Variants in TBC1D22A observed in about 807,000 individuals in gnomAD.
TBC1D22A encodes TBC1 domain family member 22A.
TBC1D22A carries 38 observed loss-of-function variants against 60.2 expected under a neutral mutation model. That is an observed-to-expected ratio of 0.63 (90% CI 0.49 to 0.83). TBC1D22A has a LOEUF of 0.83. TBC1D22A is among the 40% of genes least tolerant of loss of function. The pLI is 0.00. For synonymous variants in TBC1D22A, 302 were observed against 281.7 expected, an observed-to-expected ratio of 1.07 and a Z score of -0.72; for missense variants, 628 against 701.0, an observed-to-expected ratio of 0.90 and a Z score of 1.18.
chr22:46,972,450 G>A (rs1953357173), intron 8 of TBC1D22A, among the ~76,000 whole-genome samples: 1 of 152,198 alleles, frequency 6.6e-6, no homozygotes, highest in South Asian at 2.1e-4. Context: ...GTAGGGGTGC[G>A]GCTCAGTCGT....
At chr22:46,988,450 C>T (rs1446324845) in intron 9 of TBC1D22A, among the ~76,000 whole-genome samples, 4 of 152,304 alleles carry the variant, frequency 2.6e-5, no homozygotes, top group East Asian at 1.9e-4. Context: ...GTATATTTCT[C>T]AAATAATGAC....
At chr22:47,170,441 C>T (rs1384057022) in intron 12 of TBC1D22A, among the ~76,000 whole-genome samples, 1 of 152,214 alleles carries the variant, frequency 6.6e-6, no homozygotes, top group African/African-American at 2.4e-5. Context: ...TGGTGAAAGA[C>T]AGCAGATTGA....
At chr22:47,149,217 G>A (rs1381653507) in intron 12 of TBC1D22A, among the ~76,000 whole-genome samples, 4 of 152,206 alleles carry the variant, frequency 2.6e-5, no homozygotes, top group Admixed American at 2.6e-4. Context: ...ACATGTCGTG[G>A]TTGGGGGACA....
At chr22:47,136,425 A>G (rs1371866988) in intron 12 of TBC1D22A, among the ~76,000 whole-genome samples, 2 of 152,226 alleles carry the variant, frequency 1.3e-5, no homozygotes, top group Non-Finnish European at 2.9e-5. Flanking sequence ...CCAAAGCTGT[A>G]GGACGTTGGG....
rs551504459 is a variant in TBC1D22A at position 46,959,370 on chromosome 22, C to T, written c.1016-14920C>T. ...AACAGTGGGTCCTGACACCGACCCG[C>T]AGGTTGGTTGGCGGGGCCAGGTGCA... On this transcript the variant is annotated intron_variant, in intron 8 of 12. Coordinates refer to ENST00000337137, the MANE Select transcript of TBC1D22A (RefSeq NM_014346.5). Among the ~76,000 whole-genome samples, 19 of 152,294 alleles carry T rather than the reference C, an allele frequency of 1.2e-4. 1 individual carries two copies. The highest frequency in any genetic ancestry group is 5.9e-4 in the Admixed American group (9 of 15,292).
chr22:46,769,538 A>C (rs1234542998), intron 1 of TBC1D22A, among the ~76,000 whole-genome samples: 1 of 152,150 alleles, frequency 6.6e-6, no homozygotes, highest in African/African-American at 2.4e-5. Context: ...CTCCTTACAC[A>C]GGTCCCGCTT....
At chr22:46,994,976 A>G (rs1569314988) in intron 9 of TBC1D22A, among the ~76,000 whole-genome samples, 1 of 152,194 alleles carries the variant, frequency 6.6e-6, no homozygotes, top group Admixed American at 6.5e-5. Context: ...AAAGCTCACA[A>G]TTTGTCCTTA....
chr22:46,930,047 C>T (rs1032383002), intron 8 of TBC1D22A, among the ~76,000 whole-genome samples: 1 of 152,154 alleles, frequency 6.6e-6, no homozygotes, highest in South Asian at 2.1e-4. Context: ...TGTTAGCATT[C>T]CTTGTAAACA....
intron 4 of TBC1D22A, among the ~76,000 whole-genome samples, chr22:46,829,315 A>G (rs1602052766): frequency 6.6e-6 from 1 of 152,162 alleles, no homozygotes; most frequent in South Asian, 2.1e-4. Flanking sequence ...TTACGTAGGT[A>G]CCTGGTGAAA....
At chr22:46,977,489 A>G (rs953245409) in intron 9 of TBC1D22A, among the ~76,000 whole-genome samples, 2 of 152,160 alleles carry the variant, frequency 1.3e-5, no homozygotes, top group Non-Finnish European at 2.9e-5. Context: ...AGGCGAGGAC[A>G]GAATGCTGGG....
intron 1 of TBC1D22A, among the ~76,000 whole-genome samples, chr22:46,766,146 T>G (rs1448361007): frequency 6.6e-6 from 1 of 151,926 alleles, no homozygotes. Flanking sequence ...TACAGGCGCC[T>G]GCCACCACAC....
chr22:46,762,931 T>TC (rs965964899), intron 1 of TBC1D22A, 83 bp downstream of exon 1: 17 of 1,345,274 alleles, frequency 1.3e-5, no homozygotes, highest in Non-Finnish European at 1.6e-5. Flanking sequence ...GCGGGTGGAG[T>TC]CGGGGGTCTG....
intron 12 of TBC1D22A, among the ~76,000 whole-genome samples, chr22:47,114,566 ATG>A (rs2147734581): frequency 6.6e-6 from 1 of 152,056 alleles, no homozygotes; most frequent in African/African-American, 2.4e-5. Context: ...AGCACGGGGA[ATG>A]TGTGTGTGCA....
chr22:46,973,546 A>G (rs1156995180), intron 8 of TBC1D22A, among the ~76,000 whole-genome samples: 1 of 152,240 alleles, frequency 6.6e-6, no homozygotes, highest in Non-Finnish European at 1.5e-5. Flanking sequence ...CGAAGATGCC[A>G]TGCAAATAAA....
chr22:46,791,598 A>G (rs2146884969), intron 1 of TBC1D22A, among the ~76,000 whole-genome samples: 1 of 151,738 alleles, frequency 6.6e-6, no homozygotes, highest in South Asian at 2.1e-4. Context: ...TGAAAAATAA[A>G]TGTGTGTCAC....
intron 11 of TBC1D22A, among the ~76,000 whole-genome samples, chr22:47,067,780 G>A (rs760897800): frequency 9.9e-5 from 15 of 152,204 alleles, no homozygotes; most frequent in South Asian, 2.1e-4. Flanking sequence ...ACACACTTGC[G>A]CTTGCATACG....
At chr22:46,798,203 C>T (rs1395575564) in intron 4 of TBC1D22A, among the ~76,000 whole-genome samples, 1 of 152,244 alleles carries the variant, frequency 6.6e-6, no homozygotes, top group African/African-American at 2.4e-5. Context: ...GTCCCATTTG[C>T]ACTCTTTATT....
chr22:46,835,868 C>T (rs901783998), intron 4 of TBC1D22A, among the ~76,000 whole-genome samples: 5 of 152,104 alleles, frequency 3.3e-5, no homozygotes, highest in African/African-American at 4.8e-5. Flanking sequence ...AAGAGAATGT[C>T]CTAAGACTAT....
intron 11 of TBC1D22A, among the ~76,000 whole-genome samples, chr22:47,064,474 T>C (rs6519929): frequency 0.47 from 71,762 of 152,212 alleles, 17,624 homozygotes; most frequent in East Asian, 0.59. Context: ...TACCTGATGG[T>C]ATTTTATTTT....
Sources: gnomAD v4.1 joint callset for allele counts (sites outside exome capture counted in the v4.1 genomes callset) on GRCh38, gnomAD v4.1.1 for gene constraint, MANE v1.5 for transcripts, NCBI Gene and HGNC (gene_info 2026-07-23, HGNC 2026-07-21) for gene names.